The following EYS variants were observed in gnomAD, a reference collection of about 807,000 sequenced individuals.
EYS encodes protein eyes shut homolog.
EYS carries 250 observed loss-of-function variants against 282.1 expected under a neutral mutation model. The ratio of observed to expected loss-of-function variants is 0.89; its 90% CI spans 0.80 to 0.98. The LOEUF is 0.98. Among genes scored for constraint, EYS ranks in the 50% least tolerant of loss-of-function variants. The pLI, the probability that EYS is intolerant of heterozygous loss-of-function variation, is 0.00. For missense variants in EYS, 4,016 were observed against 3,709.0 expected (o/e 1.08, Z -2.15); for synonymous variants, 1,355 against 1,282.9 (o/e 1.06, Z -1.20).
intron 2 of EYS, among the ~76,000 whole-genome samples, chr6:65,569,795 T>C (rs1582467619): frequency 6.6e-6 from 1 of 152,278 alleles, no homozygotes; most frequent in East Asian, 1.9e-4. Context: ...TGCCAAATTA[T>C]CCTCAAAAAG....
chr6:65,011,173 A>G (rs774014006), intron 13 of EYS, among the ~76,000 whole-genome samples: 3 of 152,204 alleles, frequency 2.0e-5, no homozygotes, highest in Non-Finnish European at 2.9e-5. Context: ...CAGCTAACCA[A>G]TGGAAATTAC....
chr6:65,163,546 G>A (rs573760897), intron 12 of EYS, among the ~76,000 whole-genome samples: 61 of 151,280 alleles, frequency 4.0e-4, no homozygotes, highest in African/African-American at 1.3e-3. Context: ...GGGGACGAGC[G>A]GGTGGGTAAA....
At chr6:64,977,089 T>C (rs1365464448) in intron 14 of EYS, among the ~76,000 whole-genome samples, 1 of 151,760 alleles carries the variant, frequency 6.6e-6, no homozygotes, top group East Asian at 2.0e-4. Flanking sequence ...GATGGGATTT[T>C]GCCATGTTGG....
At chr6:63,940,044 G>A (rs1765186753) in intron 35 of EYS, among the ~76,000 whole-genome samples, 2 of 152,158 alleles carry the variant, frequency 1.3e-5, no homozygotes, top group Non-Finnish European at 2.9e-5. Context: ...ATTGCTGCAT[G>A]AGCAGTTCAT....
chr6:64,239,244 T>A (rs1465214712), intron 30 of EYS, among the ~76,000 whole-genome samples: 2 of 152,210 alleles, frequency 1.3e-5, no homozygotes, highest in African/African-American at 4.8e-5. Flanking sequence ...AGTAGAATGA[T>A]TTATAATACT....
At position 63,758,823 on chromosome 6, in the gene EYS, G is replaced by T. The variant is rs368953621; in HGVS notation, c.8071+3638C>A. The stretch of plus-strand genomic sequence containing the variant: ...AATATTTTAATTAAAAACTAAGGGA[G>T]CCTTCCTCTTATTGCCCCAAACTGG... On this transcript the variant is annotated intron_variant, in intron 41 of 42. Coordinates refer to ENST00000503581, the MANE Select transcript of EYS (RefSeq NM_001142800.2). Among the ~76,000 whole-genome samples, 5 of 152,132 alleles carry T rather than the reference G, an allele frequency of 3.3e-5. No individual in the cohort carries two copies. In the East Asian group the frequency reaches 9.6e-4, roughly 29 times the overall value.
At chr6:63,752,784 C>T (rs1399959962) in intron 41 of EYS, among the ~76,000 whole-genome samples, 2 of 152,038 alleles carry the variant, frequency 1.3e-5, no homozygotes, top group African/African-American at 2.4e-5. Context: ...TGTGAGCCAC[C>T]GCGCCTGCCC....
chr6:65,077,179 G>T (rs1451024322), intron 12 of EYS, among the ~76,000 whole-genome samples: 1 of 152,010 alleles, frequency 6.6e-6, no homozygotes, highest in Non-Finnish European at 1.5e-5. Flanking sequence ...TAGCCCTAAG[G>T]TTGAGTGTGA....
chr6:64,865,639 G>A (rs1037687491), intron 19 of EYS, among the ~76,000 whole-genome samples: 1 of 152,052 alleles, frequency 6.6e-6, no homozygotes, highest in Non-Finnish European at 1.5e-5. Flanking sequence ...AATCACTGAA[G>A]GGTTTATAGG....
chr6:65,398,278 TA>T (rs1298640758), intron 7 of EYS, among the ~76,000 whole-genome samples: 1 of 151,838 alleles, frequency 6.6e-6, no homozygotes, highest in African/African-American at 2.4e-5. Context: ...TATTGATATA[TA>T]AAAATAGACA....
chr6:65,528,427 C>T (rs7768271), intron 2 of EYS, among the ~76,000 whole-genome samples: 59,724 of 151,964 alleles, frequency 0.39, 12,671 homozygotes, highest in African/African-American at 0.56. Flanking sequence ...ATGTCTGTTG[C>T]GTTGAAATTT....
rs147172558 is a variant in EYS at position 64,542,121 on chromosome 6, A to G, written c.5644+48102T>C. Reference sequence around the variant, plus strand: ...AAGCTCTGAATATTAGTTGTCAAAAATAATAAAATAGTTCACCTCTGAATT... The same window carrying G: ...AAGCTCTGAATATTAGTTGTCAAAAGTAATAAAATAGTTCACCTCTGAATT... On this transcript the variant is annotated intron_variant, in intron 26 of 42. Coordinates refer to ENST00000503581, the MANE Select transcript of EYS (RefSeq NM_001142800.2). Among the ~76,000 whole-genome samples, 198 of 152,254 alleles carry G rather than the reference A, an allele frequency of 1.3e-3. 1 individual carries two copies. Among genetic ancestry groups the G allele is most frequent in the African/African-American group, 3.6e-3 (148 of 41,578 alleles).
chr6:64,591,759 G>T lies in EYS; in HGVS notation c.4108C>A (p.His1370Asn), dbSNP rs1381744132. 1 of 1,551,382 alleles carries T rather than the reference G, an allele frequency of 6.4e-7. No individual in the cohort carries two copies. The highest frequency in any genetic ancestry group is 8.7e-7 in the Non-Finnish European group (1 of 1,146,740). Residue 1370 changes from histidine to asparagine, a missense_variant, in exon 26 of 43, where the codon CAT (histidine) becomes AAT (asparagine). Physicochemically the swap from His to Asn is moderately conservative, Grantham distance 68. Coordinates refer to ENST00000503581, the MANE Select transcript of EYS (RefSeq NM_001142800.2). ...QIVQDKTSVS[H>N]MPIRTSAATL... ...GCTGCTGAAGTTCGAATAGGCATAT[G>T]TGATACCGATGTTTTGTCCTGGACA...
intron 8 of EYS, among the ~76,000 whole-genome samples, chr6:65,357,603 A>G (rs1442114345): frequency 1.3e-5 from 2 of 152,000 alleles, no homozygotes; most frequent in Non-Finnish European, 2.9e-5. Flanking sequence ...CTAAGGAACA[A>G]TTGTTATATG....
chr6:64,286,944 T>G (rs1407072597), intron 30 of EYS, among the ~76,000 whole-genome samples: 1 of 152,098 alleles, frequency 6.6e-6, no homozygotes, highest in Non-Finnish European at 1.5e-5. Flanking sequence ...GTAATATATC[T>G]GGTACAATAA....
In EYS at chr6:64,591,701, G is replaced by T. The variant is rs1291909155; in HGVS notation, c.4166C>A (p.Ala1389Glu). Residue 1389 changes from alanine (A) to glutamate (E), a missense_variant, in exon 26 of 43, where the codon GCA becomes GAA. By Grantham distance (107) the Ala-to-Glu change is moderately radical (BLOSUM62 -1). Transcript: ENST00000503581. Reference protein sequence around the residue: ...TLGFFFPDRRARTPFIMSSLM... With the variant: ...TLGFFFPDRRERTPFIMSSLM... ...GGAAGACATGATAAATGGGGTCCTT[G>T]CTCTCCTATCAGGAAAAAAGAAACC... The T allele has an allele frequency of 1.3e-6, 2 of 1,551,350 alleles. No homozygotes were observed. Among genetic ancestry groups the T allele is most frequent in the Non-Finnish European group, 1.7e-6 (2 of 1,146,774 alleles).
intron 2 of EYS, among the ~76,000 whole-genome samples, chr6:65,507,674 T>G (rs1473593556): frequency 1.3e-5 from 2 of 152,120 alleles, no homozygotes; most frequent in Non-Finnish European, 2.9e-5. Flanking sequence ...TGTTGATATA[T>G]TTTCAAGCCC....
At chr6:65,074,884 A>C (rs1774000973) in intron 12 of EYS, among the ~76,000 whole-genome samples, 1 of 152,046 alleles carries the variant, frequency 6.6e-6, no homozygotes, top group African/African-American at 2.4e-5. Flanking sequence ...GCATGCAAAA[A>C]CAGAAGAAAC....
At chr6:63,802,206 G>A (rs1056610019) in intron 37 of EYS, among the ~76,000 whole-genome samples, 12 of 151,848 alleles carry the variant, frequency 7.9e-5, no homozygotes, top group Admixed American at 5.9e-4. Context: ...TGATATTATG[G>A]CCAATAATTA....
Sources: gnomAD v4.1 joint callset for allele counts (sites outside exome capture counted in the v4.1 genomes callset) on GRCh38, gnomAD v4.1.1 for gene constraint, MANE v1.5 for transcripts, NCBI Gene and HGNC (gene_info 2026-07-23, HGNC 2026-07-21) for gene names.